GALNT11: variants seen among roughly 807,000 people sequenced by gnomAD.
GALNT11 encodes UDP-GalNAc:polypeptide N-acetylgalactosaminyltransferase 11.
In GALNT11, 47 loss-of-function variants were observed where a neutral mutation model predicts 72.7. The observed-to-expected ratio is 0.65, with a 90% confidence interval of 0.51 to 0.82. GALNT11 has a LOEUF of 0.82. Ranked by LOEUF, GALNT11 falls within the 40% of genes least tolerant of loss-of-function variation. The pLI, the probability that GALNT11 is intolerant of heterozygous loss-of-function variation, is 0.00. For missense variants in GALNT11, 677 were observed against 778.4 expected, an observed-to-expected ratio of 0.87 and a Z score of 1.55; for synonymous variants, 270 against 286.6, an observed-to-expected ratio of 0.94 and a Z score of 0.58.
At chr7:152,026,259 T>A (rs2082008200) in intron 1 of GALNT11, among the ~76,000 whole-genome samples, 1 of 152,208 alleles carries the variant, frequency 6.6e-6, no homozygotes, top group South Asian at 2.1e-4. Flanking sequence ...AATAGAATAG[T>A]TCACACATAC....
chr7:152,048,888 C>T (rs888765948), intron 1 of GALNT11, among the ~76,000 whole-genome samples: 3 of 151,264 alleles, frequency 2.0e-5, no homozygotes, highest in African/African-American at 7.3e-5. Flanking sequence ...CCTTCTTCTG[C>T]TTGATCTGTT....
intron 1 of GALNT11, among the ~76,000 whole-genome samples, chr7:152,061,309 T>G (rs965752105): frequency 3.3e-5 from 5 of 152,192 alleles, no homozygotes; most frequent in African/African-American, 1.2e-4. Context: ...TCGCCCACTT[T>G]TTGATGGGGT....
At chr7:152,058,500 A>AT (rs1041394237) in intron 1 of GALNT11, among the ~76,000 whole-genome samples, 4 of 151,642 alleles carry the variant, frequency 2.6e-5, no homozygotes, top group Non-Finnish European at 5.9e-5. Flanking sequence ...TACCCGGCTA[A>AT]TTTTTTTGTA....
At chr7:152,026,899 T>G (rs2082042833) in intron 1 of GALNT11, among the ~76,000 whole-genome samples, 1 of 152,214 alleles carries the variant, frequency 6.6e-6, no homozygotes, top group Non-Finnish European at 1.5e-5. Flanking sequence ...CAGGATCTCT[T>G]GAGGGCAGTG....
chr7:152,067,935 G>A (rs553254608), intron 1 of GALNT11, among the ~76,000 whole-genome samples: 1 of 152,186 alleles, frequency 6.6e-6, no homozygotes, highest in Admixed American at 6.5e-5. Flanking sequence ...GTCACATGGT[G>A]AAAGCAGGAG....
rs199789559 is a variant in GALNT11, at chr7:152,110,607, G to A, written c.1042G>A (p.Asp348Asn). 5.0e-6 allele frequency: 8 copies of A among 1,611,988 alleles called. No individual in the cohort carries two copies. The highest frequency in any genetic ancestry group is 6.8e-6 in the Non-Finnish European group (8 of 1,179,568). Residue 348 changes from aspartate to asparagine, a missense_variant, in exon 7 of 12, where the codon GAT (aspartate) becomes AAT (asparagine). By Grantham distance (23) the Asp-to-Asn change is conservative (BLOSUM62 1). Coordinates refer to ENST00000430044, the MANE Select transcript of GALNT11 (RefSeq NM_022087.4). ...HELGQYDSGM[D>N]IWGGENLEIS... ...ACTTGGACAGTATGATAGTGGCATG[G>A]ATATCTGGGGAGGAGAAAATTTGGA...
intron 1 of GALNT11, among the ~76,000 whole-genome samples, chr7:152,077,286 A>G (rs1291461040): frequency 6.6e-6 from 1 of 152,214 alleles, no homozygotes; most frequent in Admixed American, 6.5e-5. Context: ...ACAACATAGT[A>G]AAGAATTACT....
chr7:152,107,889 G>C (rs1248543594), intron 5 of GALNT11, 149 bp from the exon 6 acceptor site: 1 of 818,858 alleles, frequency 1.2e-6, no homozygotes, highest in East Asian at 2.6e-5. Context: ...CACCGGCAGT[G>C]AAGTGTAGTG....
intron 5 of GALNT11, among the ~76,000 whole-genome samples, chr7:152,105,889 G>A (rs1344865361): frequency 1.3e-5 from 2 of 152,092 alleles, no homozygotes. Flanking sequence ...TAATCCTTCT[G>A]ATTCCATCAA....
At chr7:152,030,399 A>G in intron 1 of GALNT11, among the ~76,000 whole-genome samples, 1 of 152,140 alleles carries the variant, frequency 6.6e-6, no homozygotes. Flanking sequence ...GGTTTTTCCT[A>G]GGTTATGATT....
At chr7:152,038,066 A>T (rs1445501826) in intron 1 of GALNT11, among the ~76,000 whole-genome samples, 1 of 152,144 alleles carries the variant, frequency 6.6e-6, no homozygotes, top group African/African-American at 2.4e-5. Flanking sequence ...CACTGTGCCC[A>T]GCCCGTCTTC....
Position 152,108,228 on chromosome 7 carries a change from A to G in GALNT11, c.903A>G (p.Lys301=), listed in dbSNP as rs1563077260. 6.2e-7 allele frequency: 1 copy of G among 1,614,120 alleles called. No individual in the cohort carries two copies. The highest frequency in any genetic ancestry group is 8.5e-7 in the Non-Finnish European group (1 of 1,179,960). The change falls in exon 6 of 12, where the codon AAA becomes AAG. Residue 301 remains lysine, a synonymous_variant. Coordinates refer to ENST00000430044, the MANE Select transcript of GALNT11 (RefSeq NM_022087.4). ...RGGFNWGLHF[K]WDLVPLSELG... is the part of the protein sequence containing the mutation. ...GGTTCAACTGGGGACTGCACTTCAA[A>G]TGGGATCTTGTCCCCCTTTCTGAGC... is the stretch of plus-strand genomic sequence containing the variant.
intron 1 of GALNT11, among the ~76,000 whole-genome samples, chr7:152,037,559 A>G (rs908274123): frequency 1.3e-5 from 2 of 152,142 alleles, no homozygotes; most frequent in African/African-American, 2.4e-5. Flanking sequence ...CTCAGATAGC[A>G]TAGGCTATTC....
chr7:152,080,960 A>G (rs1320880777), intron 1 of GALNT11, among the ~76,000 whole-genome samples: 1 of 152,144 alleles, frequency 6.6e-6, no homozygotes, highest in South Asian at 2.1e-4. Flanking sequence ...ACAAGAGCGA[A>G]ACTCTGATTC....
intron 1 of GALNT11, among the ~76,000 whole-genome samples, chr7:152,093,546 C>T (rs2086179591): frequency 6.6e-6 from 1 of 152,130 alleles, no homozygotes; most frequent in Non-Finnish European, 1.5e-5. Context: ...CAGCCTCAGC[C>T]TCCCAAGTAG....
At chr7:152,027,526 A>C (rs2082081301) in intron 1 of GALNT11, 1 of 153,110 alleles carries the variant, frequency 6.5e-6, no homozygotes, top group South Asian at 2.0e-4. Flanking sequence ...TTATGCCTAA[A>C]TGGCATCAGC....
At chr7:152,082,041 T>G (rs2085354488) in intron 1 of GALNT11, among the ~76,000 whole-genome samples, 1 of 152,232 alleles carries the variant, frequency 6.6e-6, no homozygotes, top group Non-Finnish European at 1.5e-5. Flanking sequence ...TAAATAGTCC[T>G]GTAGTGAATA....
intron 1 of GALNT11, among the ~76,000 whole-genome samples, chr7:152,084,174 T>C (rs1208456489): frequency 6.6e-6 from 1 of 151,950 alleles, no homozygotes; most frequent in African/African-American, 2.4e-5. Flanking sequence ...TTTTGGGGTT[T>C]TTTTGGGGAA....
At chr7:152,100,729 CATA>C in intron 2 of GALNT11, 66 bp from the exon 3 acceptor site, 1 of 1,559,008 alleles carries the variant, frequency 6.4e-7, no homozygotes, top group Non-Finnish European at 8.8e-7. Context: ...TTCTTAAGAT[CATA>C]ATATCGTTAA....
Sources: gnomAD v4.1 joint callset for allele counts (sites outside exome capture counted in the v4.1 genomes callset) on GRCh38, gnomAD v4.1.1 for gene constraint, MANE v1.5 for transcripts, NCBI Gene and HGNC (gene_info 2026-07-23, HGNC 2026-07-21) for gene names.